SLC10A6: variants seen among roughly 807,000 people sequenced by gnomAD.
SLC10A6 encodes solute carrier family 10 member 6, also known as sodium-dependent organic anion transporter.
Under a neutral mutation model 30.0 loss-of-function variants are expected in SLC10A6, and 27 were observed. The observed-to-expected ratio is 0.90, with a 90% CI of 0.66 to 1.24. The LOEUF is 1.24. Among genes scored for constraint, SLC10A6 ranks in the 50% most tolerant of loss-of-function variants. The pLI, the probability that SLC10A6 is intolerant of heterozygous loss-of-function variation, is 0.00. For synonymous variants in SLC10A6, 166 were observed against 173.8 expected (o/e 0.95, Z 0.36); for missense variants, 439 against 457.0 (o/e 0.96, Z 0.36).
chr4:86,842,874 C>CTTTCTTTCTTTCTTTCTTTT (rs1560461934), intron 1 of SLC10A6, among the ~76,000 whole-genome samples: 10 of 42,782 alleles, frequency 2.3e-4, no homozygotes, highest in East Asian at 3.5e-4. Flanking sequence ...TTCTTTCTTT[C>CTTTCTTTCTTTCTTTCTTTT]TTTTTTTTTT....
At chr4:86,842,095 T>A (rs145962351) in intron 1 of SLC10A6, among the ~76,000 whole-genome samples, 1 of 152,354 alleles carries the variant, frequency 6.6e-6, no homozygotes, top group East Asian at 1.9e-4. Context: ...CATAGAGACA[T>A]GGAAGCTTGC....
At chr4:86,824,543 G>A (rs2149409944) in intron 5 of SLC10A6, among the ~76,000 whole-genome samples, 1 of 151,684 alleles carries the variant, frequency 6.6e-6, no homozygotes, top group East Asian at 1.9e-4. Context: ...CATGGCCCAA[G>A]ATTAAAATAT....
chr4:86,833,260 T>A, intron 2 of SLC10A6, 46 bp downstream of exon 2: 2 of 1,380,426 alleles, frequency 1.4e-6, no homozygotes, highest in Non-Finnish European at 2.0e-6. Context: ...ATTATTAGTA[T>A]CATCACCATT....
intron 3 of SLC10A6, among the ~76,000 whole-genome samples, chr4:86,831,487 T>C (rs1164342754): frequency 6.6e-6 from 1 of 152,230 alleles, no homozygotes; most frequent in East Asian, 1.9e-4. Context: ...TGTGAAGCCT[T>C]GTTTATGGAT....
At chr4:86,828,478 C>A (rs894401127) in intron 3 of SLC10A6, among the ~76,000 whole-genome samples, 7 of 151,926 alleles carry the variant, frequency 4.6e-5, no homozygotes, top group African/African-American at 1.7e-4. Flanking sequence ...GTGGGTAGAA[C>A]AAAAGTGTAA....
At chr4:86,842,153 T>C (rs1278885667) in intron 1 of SLC10A6, among the ~76,000 whole-genome samples, 1 of 152,206 alleles carries the variant, frequency 6.6e-6, no homozygotes. Context: ...AAGCCTTAAA[T>C]GCAAAGGACC....
chr4:86,834,679 AC>A (rs1746150230), intron 1 of SLC10A6, among the ~76,000 whole-genome samples: 1 of 152,178 alleles, frequency 6.6e-6, no homozygotes, highest in Admixed American at 6.5e-5. Context: ...TAGTTCTGGT[AC>A]CAAGGGGATT....
chr4:86,839,329 T>C (rs1311550894), intron 1 of SLC10A6, among the ~76,000 whole-genome samples: 1 of 151,224 alleles, frequency 6.6e-6, no homozygotes, highest in African/African-American at 2.4e-5. Context: ...TACACACCTG[T>C]AGTCCCAGCT....
intron 2 of SLC10A6, among the ~76,000 whole-genome samples, chr4:86,833,057 G>A (rs969697782): frequency 6.6e-6 from 1 of 152,026 alleles, no homozygotes; most frequent in Non-Finnish European, 1.5e-5. Flanking sequence ...TTTGTAGTCA[G>A]ATTCCCGGGT....
chr4:86,848,779 T>TA lies in SLC10A6; in HGVS notation c.336dup (p.Asn113Ter). 6.2e-7 allele frequency: 1 copy of TA among 1,609,010 alleles called. No homozygotes were observed. ...CCATCAACCCAGAAGGTGAAAATGT[T>TA]AGAGATGGTGCCCCCCGGGCAGCAG... is the stretch of plus-strand genomic sequence containing the variant. On this transcript the variant is annotated frameshift_variant, in exon 1 of 6. Transcript: ENST00000273905. LOFTEE classifies it high-confidence loss of function.
intron 1 of SLC10A6, 71 bp from the exon 2 acceptor site, chr4:86,833,495 A>G: frequency 9.0e-7 from 1 of 1,110,092 alleles, no homozygotes; most frequent in Non-Finnish European, 1.4e-6. Flanking sequence ...TACCAAAAGC[A>G]ACTCCTAGGA....
At chr4:86,840,084 T>A in intron 1 of SLC10A6, among the ~76,000 whole-genome samples, 1 of 151,544 alleles carries the variant, frequency 6.6e-6, no homozygotes. Flanking sequence ...TAATTTTTTT[T>A]TTTTTTTTAA....
chr4:86,832,019 C>T (rs973418210), intron 2 of SLC10A6, 139 bp from the exon 3 acceptor site: 3 of 696,238 alleles, frequency 4.3e-6, no homozygotes, highest in Non-Finnish European at 7.5e-6. Context: ...GGATAAATGC[C>T]TACAATATTG....
chr4:86,824,616 G>C (rs1193787871), intron 5 of SLC10A6, among the ~76,000 whole-genome samples: 1 of 151,268 alleles, frequency 6.6e-6, no homozygotes, highest in Non-Finnish European at 1.5e-5. Flanking sequence ...CCATGTGCAT[G>C]TTTGTTTCCT....
rs1560460406 is a variant in SLC10A6 at position 86,837,297 on chromosome 4, G to GA, written c.378-3874_378-3873insT. 2.1e-3 allele frequency among the ~76,000 whole-genome samples: 202 copies of GA among 95,432 alleles called. 3 individuals are homozygous for GA. The highest frequency in any genetic ancestry group is 8.3e-3 in the Middle Eastern group (2 of 242). The allele number at this position is 95,432 out of a possible 152,430, so 62.6% of individuals were successfully genotyped here. A position where few individuals can be genotyped will look rare whatever the true frequency, so the allele number is the denominator to read the frequency against. ...AAAGAAAGAAAGAAAAAGAAAGGAA[G>GA]GAAGGAAGGAAGGAAGGAAGGAAGG... On this transcript the variant is annotated intron_variant, in intron 1 of 5. Coordinates refer to ENST00000273905, the MANE Select transcript of SLC10A6 (RefSeq NM_197965.3).
chr4:86,832,557 C>T (rs905445146), intron 2 of SLC10A6, among the ~76,000 whole-genome samples: 2 of 151,482 alleles, frequency 1.3e-5, no homozygotes, highest in Non-Finnish European at 2.9e-5. Flanking sequence ...CACGACTGCA[C>T]TCCAGCCTGA....
chr4:86,830,864 C>T (rs1466513991), intron 3 of SLC10A6, among the ~76,000 whole-genome samples: 2 of 152,144 alleles, frequency 1.3e-5, no homozygotes, highest in African/African-American at 4.8e-5. Context: ...GAAAGCCACA[C>T]ATATTACAAC....
intron 1 of SLC10A6, among the ~76,000 whole-genome samples, chr4:86,834,312 A>G (rs1335166460): frequency 6.6e-6 from 1 of 152,090 alleles, no homozygotes; most frequent in African/African-American, 2.4e-5. Flanking sequence ...AGATGCTGGC[A>G]CTTTGCTTCT....
intron 3 of SLC10A6, among the ~76,000 whole-genome samples, chr4:86,830,150 C>G (rs553475261): frequency 4.6e-5 from 7 of 152,154 alleles, no homozygotes; most frequent in Non-Finnish European, 8.8e-5. Context: ...GATCCCAACA[C>G]TTTGGGAGGC....
Sources: allele counts gnomAD v4.1 joint callset (sites outside exome capture counted in the v4.1 genomes callset), GRCh38; gene constraint gnomAD v4.1.1; transcripts MANE v1.5; gene names NCBI Gene and HGNC (gene_info 2026-07-23, HGNC 2026-07-21).